The following ADAM28 variants were observed in gnomAD, a reference collection of about 807,000 sequenced individuals.
ADAM28 encodes ADAM metallopeptidase domain 28.
A neutral mutation model predicts 101.2 loss-of-function variants in ADAM28; 105 were observed. The ratio of observed to expected loss-of-function variants is 1.04; its 90% CI spans 0.89 to 1.22. ADAM28 has a LOEUF of 1.22. Ranked by LOEUF, ADAM28 falls within the 50% of genes most tolerant of loss-of-function variation. The pLI, the probability that ADAM28 is intolerant of heterozygous loss-of-function variation, is 0.00. For synonymous variants in ADAM28, 322 were observed against 310.6 expected (o/e 1.04, Z -0.39); for missense variants, 1,028 against 945.4 (o/e 1.09, Z -1.15).
intron 9 of ADAM28, among the ~76,000 whole-genome samples, chr8:24,325,931 T>C (rs1430830877): frequency 6.0e-5 from 5 of 83,506 alleles, no homozygotes; most frequent in African/African-American, 2.4e-4. Context: ...GGAAAGAGTA[T>C]GAAATTATTG....
In ADAM28 at chr8:24,332,718, G is replaced by A. The variant is rs200322428; in HGVS notation, c.1340G>A (p.Cys447Tyr). ...KTCKIKATFQ[C>Y]ALGECCEKCQ... ...TGTAAAATCAAAGCAACTTTTCAAT[G>A]TGCATTAGGAGAATGTTGTGAAAAA... Residue 447 changes from cysteine (C) to tyrosine (Y), a missense_variant, in exon 13 of 23, where the codon TGT becomes TAT. Transcript: ENST00000265769. 64 of 1,514,284 alleles carry A rather than the reference G, an allele frequency of 4.2e-5. 1 individual carries two copies. In the East Asian group the frequency reaches 1.4e-3, roughly 34 times the overall value. 93.8% of individuals were successfully genotyped at this position (1,514,284 alleles called of 1,614,324 possible). A position where few individuals can be genotyped will look rare whatever the true frequency, so the allele number is the denominator to read the frequency against.
At chr8:24,300,147 A>C (rs1585493284) in intron 2 of ADAM28, 70 bp downstream of exon 2, 20 of 1,213,312 alleles carry the variant, frequency 1.6e-5, no homozygotes, top group Non-Finnish European at 2.0e-5. Context: ...ATATCTATCT[A>C]TGATGAGAGA....
In ADAM28 at chr8:24,354,370, T is replaced by TATGA. The variant is rs1816527986; in HGVS notation, c.2308-11_2308-10insAATG. The stretch of plus-strand genomic sequence containing the variant: ...TGAAGAAAGTTGATCATTTAGAAGT[T>TATGA]ATGTCTTTTTTAGGACTCAAATCCA... On this transcript the variant is annotated splice_polypyrimidine_tract_variant and intron_variant, in intron 22 of 22. Coordinates refer to ENST00000265769, the MANE Select transcript of ADAM28 (RefSeq NM_014265.6). 2.1e-6 allele frequency: 3 copies of TATGA among 1,452,814 alleles called. No homozygotes were observed. In the East Asian group the frequency reaches 7.7e-5, roughly 37 times the overall value. The allele number at this position is 1,452,814 out of a possible 1,614,324, so 90.0% of individuals were successfully genotyped here.
rs550975640 is a variant in ADAM28, at chr8:24,341,559, C to A, written c.1671-39C>A. On this transcript the variant is annotated intron_variant, in intron 15 of 22. Coordinates refer to ENST00000265769, the MANE Select transcript of ADAM28 (RefSeq NM_014265.6). ...GTCCTAGAGCATTTATGTAAAACTG[C>A]AATTTGAATCCTGCAATACATTTTG... is the stretch of plus-strand genomic sequence containing the variant. 4 of 1,594,936 alleles carry A rather than the reference C, an allele frequency of 2.5e-6. No individual in the cohort carries two copies. In the African/African-American group the frequency reaches 4.0e-5, roughly 16 times the overall value.
chr8:24,329,882 TGTGTGAGAGAGAGA>T (rs764295575), intron 10 of ADAM28, 89 bp from the exon 11 acceptor site: 167 of 946,322 alleles, frequency 1.8e-4, no homozygotes, highest in African/African-American at 1.3e-3. Context: ...TGTGTGTGTG[TGTGTGAGAGAGAGA>T]GAGAGAGAGA....
In ADAM28 at chr8:24,306,542, C is replaced by G. The variant is rs187780248; in HGVS notation, c.151-3352C>G. Among the ~76,000 whole-genome samples, 442 of 151,734 alleles carry G rather than the reference C, an allele frequency of 2.9e-3. 6 individuals are homozygous for G. Among genetic ancestry groups the G allele is most frequent in the African/African-American group, 0.01 (429 of 41,392 alleles). ...TCTATTCTTTCCCACATCTTCTAAA[C>G]TCCTCCATGTGCAGGATTGTCACAT... On this transcript the variant is annotated intron_variant, in intron 2 of 22. Coordinates refer to ENST00000265769, the MANE Select transcript of ADAM28 (RefSeq NM_014265.6).
rs1816692817 is a variant in ADAM28 at position 24,356,472 on chromosome 8, C to T, written c.*2068C>T. The T allele has an allele frequency of 6.6e-6, 1 of 152,106 alleles. No homozygotes were observed. The highest frequency in any genetic ancestry group is 6.6e-5 in the Admixed American group (1 of 15,248). 9.4% of individuals were successfully genotyped at this position (152,106 alleles called of 1,614,324 possible). A position where few individuals can be genotyped will look rare whatever the true frequency, so the allele number is the denominator to read the frequency against. ...AAGTTCCTAAATGATGTCACTAGGT[C>T]CCTGATGCAGATGCATCATACGTCC... On this transcript the variant is annotated 3_prime_UTR_variant, in exon 23 of 23. Transcript: ENST00000265769.
At chr8:24,326,443 G>A (rs1189180532) in intron 9 of ADAM28, 111 bp from the exon 10 acceptor site, 7 of 934,748 alleles carry the variant, frequency 7.5e-6, no homozygotes, top group Non-Finnish European at 1.1e-5. Context: ...ATATGACAGT[G>A]ATGGTTCACA....
At chr8:24,336,681 A>T (rs1814132557) in intron 14 of ADAM28, among the ~76,000 whole-genome samples, 1 of 152,056 alleles carries the variant, frequency 6.6e-6, no homozygotes, top group African/African-American at 2.4e-5. Flanking sequence ...AATCTAAAAA[A>T]GTTGAACGCA....
At chr8:24,336,592 A>T (rs1365743899) in intron 14 of ADAM28, among the ~76,000 whole-genome samples, 1 of 136,476 alleles carries the variant, frequency 7.3e-6, no homozygotes, top group Non-Finnish European at 1.6e-5. Flanking sequence ...AAAAAAAAAA[A>T]AAAAAAAGAA....
chr8:24,325,723 G>A (rs978159462), intron 9 of ADAM28, among the ~76,000 whole-genome samples: 5 of 151,234 alleles, frequency 3.3e-5, no homozygotes, highest in Non-Finnish European at 7.4e-5. Flanking sequence ...TTATACAGCA[G>A]AATTAAAACT....
intron 2 of ADAM28, among the ~76,000 whole-genome samples, chr8:24,302,603 T>C (rs567869141): frequency 6.6e-6 from 1 of 152,314 alleles, no homozygotes; most frequent in East Asian, 1.9e-4. Flanking sequence ...CCAGCATCTA[T>C]TGTTTCTTGA....
chr8:24,294,254 T>A (rs1807666496), intron 1 of ADAM28, 59 bp downstream of exon 1: 1 of 1,547,526 alleles, frequency 6.5e-7, no homozygotes, highest in African/African-American at 1.4e-5. Context: ...TTTCATAGTC[T>A]CCTAATAGTT....
intron 2 of ADAM28, among the ~76,000 whole-genome samples, chr8:24,301,198 T>C (rs758527287): frequency 2.4e-4 from 37 of 152,348 alleles, no homozygotes; most frequent in Non-Finnish European, 4.1e-4. Flanking sequence ...AGCAAATTTA[T>C]GAAAACAGAA....
chr8:24,336,646 T>C lies in ADAM28; in HGVS notation c.1567+1005T>C, dbSNP rs574649947. ...TTATTAGAAAGTCAATTTTAGATCA[T>C]AAGTGATCTAGCTTATATACCTAAA... On this transcript the variant is annotated intron_variant, in intron 14 of 22. Coordinates refer to ENST00000265769, the MANE Select transcript of ADAM28 (RefSeq NM_014265.6). Among the ~76,000 whole-genome samples the C allele has an allele frequency of 2.3e-4, 34 of 148,066 alleles. No homozygotes were observed. In the South Asian group the frequency reaches 5.8e-3, roughly 25 times the overall value.
intron 1 of ADAM28, chr8:24,295,953 C>T (rs1004297238): frequency 2.6e-5 from 4 of 152,070 alleles, no homozygotes; most frequent in Non-Finnish European, 5.9e-5. Context: ...TGACTTCTGC[C>T]CAGTCCCCAG....
intron 2 of ADAM28, among the ~76,000 whole-genome samples, chr8:24,307,177 T>C (rs1215172255): frequency 6.6e-6 from 1 of 152,206 alleles, no homozygotes; most frequent in Non-Finnish European, 1.5e-5. Flanking sequence ...CCCAAATTCA[T>C]AGTGCAGTTG....
At chr8:24,296,885 G>A (rs1296996022) in intron 1 of ADAM28, among the ~76,000 whole-genome samples, 2 of 152,184 alleles carry the variant, frequency 1.3e-5, no homozygotes, top group Admixed American at 6.5e-5. Context: ...TGGGGAAGAC[G>A]CTGCACCATT....
intron 5 of ADAM28, among the ~76,000 whole-genome samples, chr8:24,312,259 C>A (rs1340412331): frequency 2.0e-5 from 3 of 152,010 alleles, no homozygotes; most frequent in African/African-American, 7.2e-5. Flanking sequence ...ATGCCTTAAA[C>A]CAAACTAATG....
Sources: gnomAD v4.1 joint callset for allele counts (sites outside exome capture counted in the v4.1 genomes callset) on GRCh38, gnomAD v4.1.1 for gene constraint, MANE v1.5 for transcripts, NCBI Gene and HGNC (gene_info 2026-07-23, HGNC 2026-07-21) for gene names.